The following MRTFB variants were observed in gnomAD, a reference collection of about 807,000 sequenced individuals.
MRTFB encodes the protein myocardin related transcription factor B.
A neutral mutation model predicts 104.2 loss-of-function variants in MRTFB; 29 were observed. The ratio of observed to expected loss-of-function variants is 0.28; its 90% CI spans 0.21 to 0.38. The LOEUF is 0.38. Among genes scored for constraint, MRTFB ranks in the 10% least tolerant of loss-of-function variants. The pLI is 1.00. For synonymous variants in MRTFB, 535 were observed against 519.5 expected, an observed-to-expected ratio of 1.03 and a Z score of -0.41; for missense variants, 1,270 against 1,341.6, an observed-to-expected ratio of 0.95 and a Z score of 0.83.
chr16:14,221,209 AGTTTT>A (rs928258799), intron 8 of MRTFB, among the ~76,000 whole-genome samples: 4 of 152,136 alleles, frequency 2.6e-5, no homozygotes, highest in African/African-American at 9.7e-5. Flanking sequence ...AGAGGTGATA[AGTTTT>A]GTTTTGGCAA....
chr16:14,090,777 A>C (rs545506484), intron 2 of MRTFB, among the ~76,000 whole-genome samples: 4 of 152,214 alleles, frequency 2.6e-5, no homozygotes, highest in African/African-American at 9.6e-5. Flanking sequence ...AGGATTATTG[A>C]TATAATAAAA....
rs1056479497 is a variant in MRTFB at position 14,181,826 on chromosome 16, T to C, written c.155-28417T>C. Among the ~76,000 whole-genome samples the C allele has an allele frequency of 4.6e-5, 7 of 152,334 alleles. No individual in the cohort carries two copies. The East Asian group carries it at 1.3e-3, about 29-fold the overall frequency. ...TGCATTTGTTTGTATTCTGATTCCC[T>C]GAAGACTTTCTTGGATTGTTCCTAG... On this transcript the variant is annotated intron_variant, in intron 3 of 16. Coordinates refer to ENST00000571589, the MANE Select transcript of MRTFB (RefSeq NM_001308142.2).
intron 2 of MRTFB, among the ~76,000 whole-genome samples, chr16:14,118,357 G>C (rs113021816): frequency 0.04 from 6,047 of 151,338 alleles, 361 homozygotes; most frequent in African/African-American, 0.13. Context: ...GCCCAGTCTG[G>C]TCTTGAACTC....
At chr16:14,012,392 G>A in the MRTFB span, among the ~76,000 whole-genome samples, 14,483 of 145,722 alleles carry the variant, frequency 0.099, 803 homozygotes, top group African/African-American at 0.14. Flanking sequence ...TCTGCCTCCC[G>A]GGTTCAAGCG....
the MRTFB span, among the ~76,000 whole-genome samples, chr16:14,044,330 T>C: frequency 2.0e-5 from 3 of 152,272 alleles, no homozygotes; most frequent in East Asian, 5.8e-4. Flanking sequence ...GGGAAGACAG[T>C]GGGGTGGAAG....
At chr16:14,052,985 G>T in the MRTFB span, among the ~76,000 whole-genome samples, 1 of 151,950 alleles carries the variant, frequency 6.6e-6, no homozygotes, top group Non-Finnish European at 1.5e-5. Flanking sequence ...TCTGTTCCTC[G>T]CTTATTTCAT....
intron 2 of MRTFB, among the ~76,000 whole-genome samples, chr16:14,134,588 TG>T (rs2037611123): frequency 6.6e-6 from 1 of 152,220 alleles, no homozygotes; most frequent in Non-Finnish European, 1.5e-5. Context: ...GGATCATGAT[TG>T]GTTCATCATT....
At chr16:14,221,808 G>A (rs1459350534) in intron 8 of MRTFB, among the ~76,000 whole-genome samples, 1 of 122,048 alleles carries the variant, frequency 8.2e-6, no homozygotes. Context: ...TTGAGAGGGA[G>A]TCTCACTCTG....
chr16:13,995,706 G>C, the MRTFB span, among the ~76,000 whole-genome samples: 29 of 152,272 alleles, frequency 1.9e-4, no homozygotes, highest in African/African-American at 7.0e-4. Flanking sequence ...ACAGCAGAAG[G>C]TGAAGGGGAA....
At chr16:14,169,660 A>C (rs555126905) in intron 3 of MRTFB, among the ~76,000 whole-genome samples, 121 of 152,346 alleles carry the variant, frequency 7.9e-4, no homozygotes, top group African/African-American at 2.7e-3. Context: ...TAGAATTATA[A>C]TACCTTAAAA....
chr16:14,003,652 C>G, the MRTFB span, among the ~76,000 whole-genome samples: 1,253 of 13,836 alleles, frequency 0.091, 6 homozygotes, highest in Admixed American at 0.11. Flanking sequence ...CTCCCTCCCT[C>G]CCTCCCTCCC....
intron 14 of MRTFB, 31 bp from the exon 15 acceptor site, chr16:14,252,334 G>A (rs1349140528): frequency 8.1e-6 from 13 of 1,604,916 alleles, no homozygotes; most frequent in African/African-American, 4.0e-5. Context: ...TTGCCAAGAG[G>A]TAATGTGCAC....
intron 9 of MRTFB, 69 bp from the exon 10 acceptor site, chr16:14,240,168 G>A: frequency 6.7e-7 from 1 of 1,484,106 alleles, no homozygotes; most frequent in African/African-American, 1.4e-5. Context: ...AAATCATTTA[G>A]TCACGCAGTA....
chr16:14,004,267 C>T, the MRTFB span, among the ~76,000 whole-genome samples: 15 of 152,276 alleles, frequency 9.9e-5, no homozygotes, highest in South Asian at 2.7e-3. Flanking sequence ...CCCTTGGTTC[C>T]CAAAGCCGCC....
At chr16:14,108,295 C>A (rs1031489318) in intron 2 of MRTFB, among the ~76,000 whole-genome samples, 4 of 152,154 alleles carry the variant, frequency 2.6e-5, no homozygotes, top group East Asian at 1.9e-4. Context: ...TATATGGAGT[C>A]CTCTACCACA....
At chr16:14,225,142 C>T (rs370493715) in intron 8 of MRTFB, among the ~76,000 whole-genome samples, 39 of 152,142 alleles carry the variant, frequency 2.6e-4, no homozygotes, top group East Asian at 2.3e-3. Context: ...GCCATGATCG[C>T]GCCATTGCAC....
intron 2 of MRTFB, among the ~76,000 whole-genome samples, chr16:14,080,786 T>C (rs1301798273): frequency 6.6e-6 from 1 of 152,216 alleles, no homozygotes; most frequent in Non-Finnish European, 1.5e-5. Context: ...CTTATTTCAC[T>C]TAAAGAGGTG....
intron 2 of MRTFB, among the ~76,000 whole-genome samples, chr16:14,129,132 G>A (rs958418543): frequency 2.6e-5 from 4 of 152,224 alleles, no homozygotes; most frequent in Non-Finnish European, 5.9e-5. Context: ...TTGGATGCAT[G>A]TGCCATAGTT....
chr16:14,244,153 C>T (rs538001359), intron 10 of MRTFB, among the ~76,000 whole-genome samples: 1 of 152,276 alleles, frequency 6.6e-6, no homozygotes, highest in East Asian at 1.9e-4. Flanking sequence ...GCAGTTTTGC[C>T]TGTTTTTGAA....
Sources: allele counts gnomAD v4.1 joint callset (sites outside exome capture counted in the v4.1 genomes callset), GRCh38; gene constraint gnomAD v4.1.1; transcripts MANE v1.5; gene names NCBI Gene and HGNC (gene_info 2026-07-23, HGNC 2026-07-21).